Variants in TCERG1 observed in about 807,000 individuals in gnomAD.
TCERG1 encodes TATA box binding protein (TBP)-associated factor, RNA polymerase II, S, 150kD.
TCERG1 carries 37 observed loss-of-function variants against 144.7 expected under a neutral mutation model. The ratio of observed to expected loss-of-function variants is 0.26; its 90% CI spans 0.20 to 0.34. The LOEUF (loss-of-function observed/expected upper bound fraction) is 0.34. TCERG1 is among the 10% of genes least tolerant of loss of function. TCERG1 has a pLI of 1.00. For synonymous variants in TCERG1, 492 were observed against 458.2 expected (o/e 1.07, Z -0.94); for missense variants, 1,027 against 1,380.7 (o/e 0.74, Z 4.06).
chr5:146,464,558 C>T lies in TCERG1; in HGVS notation c.1135+765C>T, dbSNP rs575028065. 7.9e-4 allele frequency among the ~76,000 whole-genome samples: 120 copies of T among 152,236 alleles called. 4 individuals are homozygous for T. The South Asian group carries it at 0.025, about 31-fold the overall frequency. ...GAAATATTGTGGAGTGGAATTCTTA[C>T]CATAGGGTTTAAAAATGATAGTGTT... On this transcript the variant is annotated intron_variant, in intron 5 of 22. Coordinates refer to ENST00000679501, the MANE Select transcript of TCERG1 (RefSeq NM_001382548.1).
rs575448240 is a variant in TCERG1, at chr5:146,482,559, G to A, written c.1938-33G>A. 1.3e-5 allele frequency: 20 copies of A among 1,546,394 alleles called. No homozygotes were observed. The South Asian group carries it at 1.4e-4, about 11-fold the overall frequency. ...AATAAGATCTGAGAATTAATATTTT[G>A]TCAGTTGATGTCTTATATTTTATTT... is the stretch of plus-strand genomic sequence containing the variant. On this transcript the variant is annotated intron_variant, in intron 13 of 22. Transcript: ENST00000679501.
intron 17 of TCERG1, 104 bp downstream of exon 17, chr5:146,498,790 G>GACGT: frequency 8.7e-7 from 1 of 1,154,374 alleles, no homozygotes; most frequent in Non-Finnish European, 1.1e-6. Context: ...TAAATAATAG[G>GACGT]ACGTACATGG....
At chr5:146,506,604 T>C (rs547482021) in intron 19 of TCERG1, among the ~76,000 whole-genome samples, 9 of 152,346 alleles carry the variant, frequency 5.9e-5, no homozygotes, top group Middle Eastern at 6.8e-3. Flanking sequence ...TCAAAACTTA[T>C]TTCTGCTGTC....
chr5:146,509,944 G>A, intron 22 of TCERG1: 1 of 772,972 alleles, frequency 1.3e-6, no homozygotes, highest in Non-Finnish European at 1.8e-6. Context: ...GCTAGATAGT[G>A]CTGAGGGTGT....
intron 4 of TCERG1, among the ~76,000 whole-genome samples, chr5:146,460,658 A>G (rs1763259352): frequency 6.6e-6 from 1 of 152,238 alleles, no homozygotes; most frequent in Non-Finnish European, 1.5e-5. Flanking sequence ...TTTTATTGAT[A>G]AAAAGCAACT....
At chr5:146,490,180 C>A (rs1348754609) in intron 15 of TCERG1, among the ~76,000 whole-genome samples, 1 of 152,186 alleles carries the variant, frequency 6.6e-6, no homozygotes, top group African/African-American at 2.4e-5. Context: ...AGATGACTTA[C>A]ATGTCTAGCA....
chr5:146,450,766 C>T (rs933439679), intron 1 of TCERG1, among the ~76,000 whole-genome samples: 6 of 152,128 alleles, frequency 3.9e-5, no homozygotes, highest in African/African-American at 1.4e-4. Flanking sequence ...TAGTGGCAGA[C>T]TTTTGAAAAC....
chr5:146,472,508 A>G, intron 9 of TCERG1, among the ~76,000 whole-genome samples: 1 of 152,122 alleles, frequency 6.6e-6, no homozygotes, highest in East Asian at 1.9e-4. Context: ...AACCACACCC[A>G]TGTAAGATGG....
chr5:146,487,732 A>C (rs1360840632), intron 15 of TCERG1, among the ~76,000 whole-genome samples: 3 of 69,136 alleles, frequency 4.3e-5, no homozygotes, highest in African/African-American at 3.6e-4. Flanking sequence ...ACCCTGTTTC[A>C]AAAAAAAAAA....
Position 146,475,423 on chromosome 5 carries a change from C to G in TCERG1, c.1602-3070C>G, listed in dbSNP as rs1182098194. Among the ~76,000 whole-genome samples, 5 of 152,028 alleles carry G rather than the reference C, an allele frequency of 3.3e-5. No individual in the cohort carries two copies. The East Asian group carries it at 5.8e-4, about 18-fold the overall frequency. ...ATGCCTGGAGACAATTTTTGGTTGT[C>G]AAAACTTGGAGGGTGTTAGTGGCAT... On this transcript the variant is annotated intron_variant, in intron 9 of 22. Transcript: ENST00000679501.
intron 9 of TCERG1, among the ~76,000 whole-genome samples, chr5:146,475,293 C>T (rs1464148978): frequency 6.6e-6 from 1 of 152,130 alleles, no homozygotes; most frequent in African/African-American, 2.4e-5. Flanking sequence ...TGATCAGATT[C>T]GGATTTAATC....
chr5:146,488,297 A>G (rs143864343), intron 15 of TCERG1, among the ~76,000 whole-genome samples: 298 of 152,338 alleles, frequency 2.0e-3, no homozygotes, highest in Non-Finnish European at 3.5e-3. Flanking sequence ...CAGTGAAGAC[A>G]TCCTACAGAA....
chr5:146,503,396 C>T lies in TCERG1; in HGVS notation c.2455C>T (p.Leu819=). 1 of 1,612,816 alleles carries T rather than the reference C, an allele frequency of 6.2e-7. No homozygotes were observed. Among genetic ancestry groups the T allele is most frequent in the Non-Finnish European group, 8.5e-7 (1 of 1,179,326 alleles). Residue 819 remains leucine, a synonymous_variant, in exon 18 of 23, where the codon CTA becomes TTA. Coordinates refer to ENST00000679501, the MANE Select transcript of TCERG1 (RefSeq NM_001382548.1). ...ACAGATTAAATCGGATTTCTTTGAACTATTATCTAATCATCACTTGGACAG... is the reference window on the plus strand; with the variant it reads ...ACAGATTAAATCGGATTTCTTTGAATTATTATCTAATCATCACTTGGACAG... ...GEKIKSDFFE[L]LSNHHLDSQS... is the part of the protein sequence containing the mutation.
intron 19 of TCERG1, among the ~76,000 whole-genome samples, chr5:146,506,047 A>G (rs1252040423): frequency 1.3e-5 from 2 of 152,224 alleles, no homozygotes; most frequent in African/African-American, 4.8e-5. Context: ...CTGGGATTAC[A>G]GGCATGAGCC....
At chr5:146,449,963 C>A (rs1420022586) in intron 1 of TCERG1, among the ~76,000 whole-genome samples, 1 of 152,146 alleles carries the variant, frequency 6.6e-6, no homozygotes, top group African/African-American at 2.4e-5. Context: ...TCTGTGCTAT[C>A]ATTTCCTCTG....
intron 16 of TCERG1, among the ~76,000 whole-genome samples, chr5:146,494,351 A>G (rs896414860): frequency 1.3e-5 from 2 of 152,160 alleles, no homozygotes; most frequent in African/African-American, 4.8e-5. Context: ...GCTTATTTCC[A>G]AAGCATTCAG....
chr5:146,506,355 A>C (rs181263190), intron 19 of TCERG1, among the ~76,000 whole-genome samples: 22 of 152,298 alleles, frequency 1.4e-4, no homozygotes, highest in Non-Finnish European at 1.8e-4. Flanking sequence ...TATGCCTTCT[A>C]TTATACTGTC....
intron 15 of TCERG1, among the ~76,000 whole-genome samples, chr5:146,488,199 T>G (rs1766029932): frequency 6.6e-6 from 1 of 152,038 alleles, no homozygotes; most frequent in Non-Finnish European, 1.5e-5. Flanking sequence ...GGGAAAAGAT[T>G]TTACAAATAA....
intron 9 of TCERG1, among the ~76,000 whole-genome samples, chr5:146,474,229 A>G (rs934533541): frequency 6.6e-6 from 1 of 152,200 alleles, no homozygotes; most frequent in Non-Finnish European, 1.5e-5. Context: ...ACTCTCATGG[A>G]TGATTTTGAG....
Sources: gnomAD v4.1 joint callset for allele counts (sites outside exome capture counted in the v4.1 genomes callset) on GRCh38, gnomAD v4.1.1 for gene constraint, MANE v1.5 for transcripts, NCBI Gene and HGNC (gene_info 2026-07-23, HGNC 2026-07-21) for gene names.